GAD1: variants seen among roughly 807,000 people sequenced by gnomAD.
GAD1 encodes glutamate decarboxylase 1.
In GAD1, 35 loss-of-function variants were observed where a neutral mutation model predicts 75.2. The ratio of observed to expected loss-of-function variants is 0.47; its 90% CI spans 0.36 to 0.62. The LOEUF is 0.62. Among genes scored for constraint, GAD1 ranks in the 20% least tolerant of loss-of-function variants. The pLI is 0.00. For synonymous variants in GAD1, 257 were observed against 271.9 expected (o/e 0.95, Z 0.54); for missense variants, 490 against 758.5 (o/e 0.65, Z 4.16).
At position 170,860,974 on chromosome 2, in the gene GAD1, C is replaced by T. The variant is rs900921774; in HGVS notation, c.*1092C>T. The T allele has an allele frequency of 6.6e-6, 1 of 152,642 alleles. No individual in the cohort carries two copies. Among genetic ancestry groups the T allele is most frequent in the African/African-American group, 2.4e-5 (1 of 41,452 alleles). The allele number at this position is 152,642 out of a possible 1,614,324, so 9.5% of individuals were successfully genotyped here. A position where few individuals can be genotyped will look rare whatever the true frequency, so the allele number is the denominator to read the frequency against. On this transcript the variant is annotated 3_prime_UTR_variant, in exon 17 of 17. Transcript: ENST00000358196. ...TTTTGTAGTAGTTGATGACCAATCT[C>T]TGTGACTCGCTTAGCTGAAACCTAA...
chr2:170,835,567 T>C (rs990097151), intron 5 of GAD1, among the ~76,000 whole-genome samples: 5 of 152,234 alleles, frequency 3.3e-5, no homozygotes, highest in African/African-American at 1.2e-4. Context: ...TTGTGTCCTT[T>C]ATATTTTAAT....
chr2:170,857,184 T>G (rs1181290518), intron 15 of GAD1, 59 bp downstream of exon 15: 4 of 1,332,512 alleles, frequency 3.0e-6, no homozygotes, highest in African/African-American at 1.4e-5. Context: ...TGAGGGAAGC[T>G]CCTGAAGCTT....
chr2:170,827,380 C>T (rs1173428118), intron 3 of GAD1, among the ~76,000 whole-genome samples: 1 of 152,214 alleles, frequency 6.6e-6, no homozygotes, highest in Non-Finnish European at 1.5e-5. Flanking sequence ...AACCTTTTTC[C>T]TCTTTTCAGT....
chr2:170,858,552 A>G (rs1182774213), intron 15 of GAD1, among the ~76,000 whole-genome samples: 2 of 152,222 alleles, frequency 1.3e-5, no homozygotes, highest in African/African-American at 4.8e-5. Context: ...ATTATTTGTA[A>G]CATTTCAATG....
chr2:170,833,606 C>A (rs1702295669), intron 5 of GAD1, among the ~76,000 whole-genome samples: 1 of 152,240 alleles, frequency 6.6e-6, no homozygotes, highest in African/African-American at 2.4e-5. Flanking sequence ...AGAACTACAT[C>A]ATTTTATTAT....
chr2:170,833,063 C>T (rs1702282597), intron 5 of GAD1, among the ~76,000 whole-genome samples: 1 of 152,198 alleles, frequency 6.6e-6, no homozygotes, highest in African/African-American at 2.4e-5. Flanking sequence ...CAGGGGAAGC[C>T]CCAAGGCCAC....
chr2:170,838,032 A>T (rs879514184), intron 6 of GAD1, among the ~76,000 whole-genome samples: 3 of 152,244 alleles, frequency 2.0e-5, no homozygotes, highest in Non-Finnish European at 1.5e-5. Context: ...AGAATACTTA[A>T]CTATATTCAG....
At chr2:170,827,308 G>A (rs1052744522) in intron 3 of GAD1, among the ~76,000 whole-genome samples, 32 of 152,198 alleles carry the variant, frequency 2.1e-4, no homozygotes, top group African/African-American at 7.7e-4. Flanking sequence ...CTTGTGACAC[G>A]TGTGACTCCG....
intron 14 of GAD1, among the ~76,000 whole-genome samples, chr2:170,855,666 G>C (rs991336264): frequency 6.6e-6 from 1 of 151,864 alleles, no homozygotes; most frequent in Non-Finnish European, 1.5e-5. Flanking sequence ...TTTGAGCTCA[G>C]GAGTTCGAGA....
rs969095862 is a variant in GAD1 at position 170,836,882 on chromosome 2, A to G, written c.637A>G (p.Met213Val). 1 of 1,609,398 alleles carries G rather than the reference A, an allele frequency of 6.2e-7. No homozygotes were observed. Among genetic ancestry groups the G allele is most frequent in the African/African-American group, 1.3e-5 (1 of 74,948 alleles). Residue 213 changes from methionine (M) to valine (V), a missense_variant and splice_region_variant, in exon 6 of 17, where the codon ATG (methionine) becomes GTG (valine). Transcript: ENST00000358196. ...EWLTSTANTNMFTYEIAPVFV... is the reference protein window; with the variant it reads ...EWLTSTANTNVFTYEIAPVFV... The stretch of plus-strand genomic sequence containing the variant: ...GCTGACATCAACGGCCAATACCAAC[A>G]TGTAAGTCTCATATGTTTTCATATA...
intron 6 of GAD1, among the ~76,000 whole-genome samples, chr2:170,837,506 C>T (rs1702406205): frequency 6.6e-6 from 1 of 152,200 alleles, no homozygotes; most frequent in Non-Finnish European, 1.5e-5. Flanking sequence ...GGTAGAAGTA[C>T]TACCTGGGTA....
rs1350767277 is a variant in GAD1, at chr2:170,847,603, C to A, written c.1003-73C>A. The A allele has an allele frequency of 6.0e-6, 6 of 996,550 alleles. No homozygotes were observed. In the Admixed American group the frequency reaches 6.8e-5, roughly 11 times the overall value. The allele number at this position is 996,550 out of a possible 1,614,324, so 61.7% of individuals were successfully genotyped here. A position where few individuals can be genotyped will look rare whatever the true frequency, so the allele number is the denominator to read the frequency against. The stretch of plus-strand genomic sequence containing the variant: ...TGTTAGAAATAAATGTTACACAATT[C>A]TTCTTCCTGTGAAAATCAGCAAATG... On this transcript the variant is annotated intron_variant, in intron 10 of 16. Transcript: ENST00000358196.
At chr2:170,829,213 C>T (rs1702155065) in intron 3 of GAD1, 1 of 511,752 alleles carries the variant, frequency 2.0e-6, no homozygotes. Flanking sequence ...AGTTCACTGT[C>T]ACATTCAGAG....
Position 170,836,785 on chromosome 2 carries a change from C to T in GAD1, c.548-8C>T. 7 of 1,606,516 alleles carry T rather than the reference C, an allele frequency of 4.4e-6. No homozygotes were observed. The highest frequency in any genetic ancestry group is 6.0e-6 in the Non-Finnish European group (7 of 1,173,104). On this transcript the variant is annotated splice_region_variant and splice_polypyrimidine_tract_variant and intron_variant, in intron 5 of 16. Coordinates refer to ENST00000358196, the MANE Select transcript of GAD1 (RefSeq NM_000817.3). ...ATTTGCCTTGATGCTTTTCTGTTTC[C>T]TATCTAGGTCATCCTCGATTTTTCA...
At chr2:170,834,213 G>A (rs1387661013) in intron 5 of GAD1, among the ~76,000 whole-genome samples, 4 of 152,172 alleles carry the variant, frequency 2.6e-5, no homozygotes, top group Non-Finnish European at 4.4e-5. Context: ...AAAGCATGCT[G>A]TTGCTGCCGT....
chr2:170,842,440 A>C, intron 6 of GAD1: 1 of 913,060 alleles, frequency 1.1e-6, no homozygotes, highest in Non-Finnish European at 1.8e-6. Context: ...CAACATTTCC[A>C]AAAACCAGTG....
chr2:170,849,427 C>A, intron 12 of GAD1, 77 bp downstream of exon 12: 1 of 1,323,698 alleles, frequency 7.6e-7, no homozygotes. Flanking sequence ...GCCTGCACCA[C>A]CCTGCCCTGA....
chr2:170,819,860 C>T (rs973213020), intron 2 of GAD1, among the ~76,000 whole-genome samples: 2 of 152,126 alleles, frequency 1.3e-5, no homozygotes, highest in African/African-American at 2.4e-5. Flanking sequence ...GGATTATTAC[C>T]GGAAAGCCCC....
chr2:170,838,271 A>G (rs1264018383), intron 6 of GAD1, among the ~76,000 whole-genome samples: 2 of 152,236 alleles, frequency 1.3e-5, no homozygotes, highest in Non-Finnish European at 2.9e-5. Context: ...CAAGAGGAAT[A>G]CAGGTCAAAG....
Sources: allele counts gnomAD v4.1 joint callset (sites outside exome capture counted in the v4.1 genomes callset), GRCh38; gene constraint gnomAD v4.1.1; transcripts MANE v1.5; gene names NCBI Gene and HGNC (gene_info 2026-07-23, HGNC 2026-07-21).